CDC14A: variants seen among roughly 807,000 people sequenced by gnomAD.
CDC14A encodes dual specificity protein phosphatase CDC14A.
In CDC14A, 53 loss-of-function variants were observed where a neutral mutation model predicts 74.4. The ratio of observed to expected loss-of-function variants is 0.71; its 90% CI spans 0.57 to 0.89. The LOEUF (loss-of-function observed/expected upper bound fraction) is 0.89. CDC14A is among the 40% of genes least tolerant of loss of function. The pLI, the probability that CDC14A is intolerant of heterozygous loss-of-function variation, is 0.00. For missense variants in CDC14A, 646 were observed against 713.7 expected (o/e 0.91, Z 1.08); for synonymous variants, 247 against 258.4 (o/e 0.96, Z 0.43).
Position 100,467,940 on chromosome 1 carries a change from T to C in CDC14A, c.839-16T>C. 1 of 1,572,688 alleles carries C rather than the reference T, an allele frequency of 6.4e-7. No homozygotes were observed. Among genetic ancestry groups the C allele is most frequent in the Non-Finnish European group, 8.6e-7 (1 of 1,166,262 alleles). Reference sequence around the variant, plus strand: ...GCTAGACTTTATATTTCTTATTCTGTTTCATTCTCTTACAGCTGGTCTTGG... The same window carrying C: ...GCTAGACTTTATATTTCTTATTCTGCTTCATTCTCTTACAGCTGGTCTTGG... On this transcript the variant is annotated splice_polypyrimidine_tract_variant and intron_variant, in intron 9 of 15. Coordinates refer to ENST00000336454, the MANE Select transcript of CDC14A (RefSeq NM_003672.4).
intron 5 of CDC14A, among the ~76,000 whole-genome samples, chr1:100,426,469 T>C (rs1010145698): frequency 5.9e-5 from 9 of 152,142 alleles, no homozygotes. Context: ...GTAAGATAAT[T>C]AATACTACTT....
intron 4 of CDC14A, among the ~76,000 whole-genome samples, chr1:100,394,488 C>A (rs1658189771): frequency 6.6e-6 from 1 of 152,134 alleles, no homozygotes; most frequent in South Asian, 2.1e-4. Flanking sequence ...CAGGGTGCCT[C>A]TAGAACTTTG....
intron 6 of CDC14A, 98 bp from the exon 7 acceptor site, chr1:100,442,836 A>G: frequency 2.5e-6 from 2 of 807,480 alleles, no homozygotes; most frequent in Non-Finnish European, 4.2e-6. Context: ...CTGTCTCTTC[A>G]GATTAGTGAG....
At position 100,498,223 on chromosome 1, in the gene CDC14A, C is replaced by G. The variant is rs1648160846; in HGVS notation, c.1421+16C>G. 1.2e-5 allele frequency: 19 copies of G among 1,611,794 alleles called. No homozygotes were observed. The East Asian group carries it at 3.8e-4, about 32-fold the overall frequency. On this transcript the variant is annotated intron_variant, in intron 14 of 15. Coordinates refer to ENST00000336454, the MANE Select transcript of CDC14A (RefSeq NM_003672.4). ...CTGTAAGAAGGTAATTTTTCTCTCCCTCTTCTAAGGTGCTGGTTTGAGGTA... is the reference window on the plus strand; with the variant it reads ...CTGTAAGAAGGTAATTTTTCTCTCCGTCTTCTAAGGTGCTGGTTTGAGGTA...
chr1:100,372,589 A>G (rs1363626608), intron 2 of CDC14A, among the ~76,000 whole-genome samples: 1 of 152,236 alleles, frequency 6.6e-6, no homozygotes, highest in Non-Finnish European at 1.5e-5. Context: ...GAAGCAACTC[A>G]TCATTCAAGT....
chr1:100,449,237 C>T (rs1171121606), intron 7 of CDC14A, among the ~76,000 whole-genome samples: 2 of 152,182 alleles, frequency 1.3e-5, no homozygotes, highest in Non-Finnish European at 2.9e-5. Flanking sequence ...ATTCTGGATG[C>T]CTGGGATTGA....
chr1:100,439,658 TC>T (rs1244696883), intron 5 of CDC14A, among the ~76,000 whole-genome samples: 1 of 152,218 alleles, frequency 6.6e-6, no homozygotes, highest in Non-Finnish European at 1.5e-5. Context: ...TTGCTTAAGT[TC>T]CTGTGCAGTA....
chr1:100,349,597 G>T (rs888106973), upstream of CDC14A, among the ~76,000 whole-genome samples: 1 of 152,166 alleles, frequency 6.6e-6, no homozygotes, highest in African/African-American at 2.4e-5. Context: ...ATACCATTTA[G>T]AATGGCTTAG....
chr1:100,440,086 G>A, intron 6 of CDC14A, 88 bp downstream of exon 6: 1 of 1,006,158 alleles, frequency 9.9e-7, no homozygotes, highest in South Asian at 1.4e-5. Context: ...TTTGTTATTG[G>A]AGGGAAGAAA....
At chr1:100,431,592 A>C (rs1663688693) in intron 5 of CDC14A, among the ~76,000 whole-genome samples, 1 of 152,160 alleles carries the variant, frequency 6.6e-6, no homozygotes, top group Non-Finnish European at 1.5e-5. Flanking sequence ...CTGTAATCCC[A>C]GTGCTTTAGG....
intron 10 of CDC14A, among the ~76,000 whole-genome samples, chr1:100,482,929 T>A (rs1209034995): frequency 6.6e-6 from 1 of 152,188 alleles, no homozygotes; most frequent in African/African-American, 2.4e-5. Flanking sequence ...GGTCTTATTC[T>A]TTTTTATGGC....
chr1:100,442,412 C>T (rs1665054200), intron 6 of CDC14A, among the ~76,000 whole-genome samples: 1 of 144,640 alleles, frequency 6.9e-6, no homozygotes, highest in Non-Finnish European at 1.5e-5. Context: ...TATATATTCT[C>T]TCATCAAATA....
chr1:100,390,562 A>G (rs958907749), intron 3 of CDC14A, among the ~76,000 whole-genome samples, 170 bp from the exon 4 acceptor site: 1 of 152,188 alleles, frequency 6.6e-6, no homozygotes, highest in Admixed American at 6.5e-5. Flanking sequence ...GCTGTACAAA[A>G]TCTGAGCTAG....
intron 7 of CDC14A, among the ~76,000 whole-genome samples, chr1:100,452,081 C>T (rs140482702): frequency 2.6e-5 from 4 of 152,306 alleles, no homozygotes; most frequent in East Asian, 3.9e-4. Context: ...ACCTTGTAAT[C>T]GTCAACCTCA....
intron 5 of CDC14A, among the ~76,000 whole-genome samples, chr1:100,439,015 G>A (rs1664632841): frequency 6.6e-6 from 1 of 152,160 alleles, no homozygotes; most frequent in Non-Finnish European, 1.5e-5. Context: ...CGGACACCTT[G>A]GAACACTGTA....
chr1:100,390,692 C>A, intron 3 of CDC14A, 40 bp from the exon 4 acceptor site: 1 of 1,300,110 alleles, frequency 7.7e-7, no homozygotes, highest in Non-Finnish European at 1.1e-6. Context: ...TTAACTTTGT[C>A]TCTATGGTTA....
intron 6 of CDC14A, among the ~76,000 whole-genome samples, chr1:100,442,151 AAT>A (rs141903453): frequency 0.13 from 20,045 of 150,344 alleles, 1,591 homozygotes; most frequent in Non-Finnish European, 0.17. Flanking sequence ...TTGTGATAAA[AAT>A]ATGTTTTTTT....
At chr1:100,463,508 A>C (rs1039881385) in intron 9 of CDC14A, among the ~76,000 whole-genome samples, 48 of 152,254 alleles carry the variant, frequency 3.2e-4, no homozygotes, top group Non-Finnish European at 3.4e-4. Context: ...ACTTTGGGGC[A>C]GGAATTGTTC....
At chr1:100,420,082 A>ATATATATG (rs58124351) in intron 4 of CDC14A, among the ~76,000 whole-genome samples, 1 of 105,526 alleles carries the variant, frequency 9.5e-6, no homozygotes, top group African/African-American at 3.3e-5. Flanking sequence ...ATATATATAT[A>ATATATATG]GTGTGTATGT....
Sources: allele counts gnomAD v4.1 joint callset (sites outside exome capture counted in the v4.1 genomes callset), GRCh38; gene constraint gnomAD v4.1.1; transcripts MANE v1.5; gene names NCBI Gene and HGNC (gene_info 2026-07-23, HGNC 2026-07-21).